The following CRACDL variants were observed in gnomAD, a reference collection of about 807,000 sequenced individuals.
The protein encoded by CRACDL is CRACD-like protein.
CRACDL carries 26 observed loss-of-function variants against 70.6 expected under a neutral mutation model. The observed-to-expected ratio is 0.37, with a 90% CI of 0.27 to 0.51. CRACDL has a LOEUF of 0.51. Among genes scored for constraint, CRACDL ranks in the 20% least tolerant of loss-of-function variants. The probability of loss-of-function intolerance (pLI) is 0.94; values close to 1 mark genes in which losing one functional copy is unlikely to be tolerated. For missense variants in CRACDL, 1,283 were observed against 1,376.9 expected, an observed-to-expected ratio of 0.93 and a Z score of 1.08; for synonymous variants, 618 against 615.2, an observed-to-expected ratio of 1.00 and a Z score of -0.07.
chr2:98,843,333 C>G (rs570691580), intron 2 of CRACDL, among the ~76,000 whole-genome samples: 2 of 152,120 alleles, frequency 1.3e-5, no homozygotes, highest in South Asian at 2.1e-4. Flanking sequence ...ATATTTTCTT[C>G]TAGTCTGTGA....
intron 3 of CRACDL, 118 bp from the exon 4 acceptor site, chr2:98,833,115 T>C (rs1705616825): frequency 3.3e-6 from 3 of 915,732 alleles, no homozygotes; most frequent in South Asian, 3.6e-5. Context: ...CTCCCTCTGC[T>C]GCATTTACAT....
chr2:98,844,005 C>G (rs562428124), intron 2 of CRACDL, among the ~76,000 whole-genome samples: 1 of 152,092 alleles, frequency 6.6e-6, no homozygotes, highest in Non-Finnish European at 1.5e-5. Flanking sequence ...CCTCTATGGA[C>G]TTGGCTTTTT....
chr2:98,904,880 G>A lies in CRACDL; in HGVS notation c.-11+31058C>T, dbSNP rs144358601. On this transcript the variant is annotated intron_variant, in intron 1 of 9. Coordinates refer to ENST00000397899, the MANE Select transcript of CRACDL (RefSeq NM_207362.3). ...GGGCCTGGTGGGAAGCACTCCGGTCGCGGGGGCGGATCCCTCCTGAATGCT... is the reference window on the plus strand; with the variant it reads ...GGGCCTGGTGGGAAGCACTCCGGTCACGGGGGCGGATCCCTCCTGAATGCT... Among the ~76,000 whole-genome samples, 405 of 152,286 alleles carry A rather than the reference G, an allele frequency of 2.7e-3. 1 individual carries two copies. Among genetic ancestry groups the A allele is most frequent in the African/African-American group, 8.9e-3 (370 of 41,566 alleles).
intron 1 of CRACDL, among the ~76,000 whole-genome samples, chr2:98,903,772 T>A (rs890525570): frequency 6.6e-6 from 1 of 152,272 alleles, no homozygotes; most frequent in Non-Finnish European, 1.5e-5. Flanking sequence ...TAGTCATTTT[T>A]AAGTCAGATA....
intron 1 of CRACDL, among the ~76,000 whole-genome samples, chr2:98,918,054 C>T (rs1276676123): frequency 1.3e-5 from 2 of 152,156 alleles, no homozygotes; most frequent in Non-Finnish European, 2.9e-5. Context: ...CATATCTTTG[C>T]TATTGTGAAC....
chr2:98,840,541 C>A (rs1192048589), intron 2 of CRACDL: 1 of 152,060 alleles, frequency 6.6e-6, no homozygotes, highest in Non-Finnish European at 1.5e-5. Flanking sequence ...TATTTTATAT[C>A]TTTACCGATT....
chr2:98,817,208 G>C (rs1219410321), intron 7 of CRACDL, among the ~76,000 whole-genome samples: 1 of 152,002 alleles, frequency 6.6e-6, no homozygotes, highest in African/African-American at 2.4e-5. Flanking sequence ...CGGGGGAGAG[G>C]GAAATTGGGG....
At chr2:98,896,126 T>C (rs1204719664) in intron 1 of CRACDL, among the ~76,000 whole-genome samples, 1 of 151,926 alleles carries the variant, frequency 6.6e-6, no homozygotes, top group Non-Finnish European at 1.5e-5. Context: ...GCTGGTGGCA[T>C]GGGACAGGAG....
rs554941257 is a variant in CRACDL at position 98,933,053 on chromosome 2, G to A, written c.-11+2885C>T. ...AACAGTAGAAATGGAGGCCTAGTAC[G>A]GTTCCGCACAACCTGGGCGGGCTCC... On this transcript the variant is annotated intron_variant, in intron 1 of 9. Transcript: ENST00000397899. 7.7e-4 allele frequency among the ~76,000 whole-genome samples: 118 copies of A among 152,334 alleles called. 1 individual carries two copies. Among genetic ancestry groups the A allele is most frequent in the South Asian group, 1.5e-3 (7 of 4,824 alleles).
At chr2:98,862,540 T>C (rs896901261) in intron 1 of CRACDL, among the ~76,000 whole-genome samples, 1 of 151,856 alleles carries the variant, frequency 6.6e-6, no homozygotes, top group Non-Finnish European at 1.5e-5. Context: ...GTGGAGAAAA[T>C]CAAGAAAATG....
At chr2:98,795,077 A>ATTTATATTTTTTTTTT (rs1703757410) in intron 9 of CRACDL, among the ~76,000 whole-genome samples, 1 of 58,510 alleles carries the variant, frequency 1.7e-5, no homozygotes, top group Non-Finnish European at 3.1e-5. Context: ...ATATATATAT[A>ATTTATATTTTTTTTTT]TTTTTTTTTT....
chr2:98,898,810 C>T (rs1188963142), intron 1 of CRACDL, among the ~76,000 whole-genome samples: 1 of 152,224 alleles, frequency 6.6e-6, no homozygotes, highest in African/African-American at 2.4e-5. Context: ...AAAGGCTGAC[C>T]TGTTCTCATG....
chr2:98,933,206 A>T (rs1332662428), intron 1 of CRACDL, among the ~76,000 whole-genome samples: 1 of 152,158 alleles, frequency 6.6e-6, no homozygotes, highest in Non-Finnish European at 1.5e-5. Flanking sequence ...TGTGAGCCGG[A>T]GGCTCCATGT....
intron 1 of CRACDL, among the ~76,000 whole-genome samples, chr2:98,862,198 T>C (rs1706966481): frequency 6.6e-6 from 1 of 152,152 alleles, no homozygotes; most frequent in Admixed American, 6.5e-5. Context: ...TCAGGAAAGA[T>C]CTGGGAAGGC....
At chr2:98,839,458 AC>A (rs1176186226) in intron 2 of CRACDL, among the ~76,000 whole-genome samples, 1 of 152,228 alleles carries the variant, frequency 6.6e-6, no homozygotes, top group Non-Finnish European at 1.5e-5. Context: ...TGGTCAGGAC[AC>A]CCTGTGGCTT....
At chr2:98,826,065 G>A (rs1705288185) in intron 6 of CRACDL, among the ~76,000 whole-genome samples, 1 of 152,158 alleles carries the variant, frequency 6.6e-6, no homozygotes, top group Non-Finnish European at 1.5e-5. Context: ...CCCCACTCCA[G>A]GGGGGACGCG....
intron 3 of CRACDL, among the ~76,000 whole-genome samples, chr2:98,835,655 C>A (rs946592121): frequency 1.3e-5 from 2 of 151,958 alleles, no homozygotes; most frequent in African/African-American, 4.8e-5. Context: ...TCAGGAGTTG[C>A]TAGGGGGCCA....
In CRACDL at chr2:98,822,464, G is replaced by C. The variant is rs1482687422; in HGVS notation, c.1809C>G (p.Ser603Arg). 8 of 1,476,204 alleles carry C rather than the reference G, an allele frequency of 5.4e-6. No homozygotes were observed. Among genetic ancestry groups the C allele is most frequent in the Non-Finnish European group, 7.1e-6 (8 of 1,121,570 alleles). The allele number at this position is 1,476,204 out of a possible 1,614,324, so 91.4% of individuals were successfully genotyped here. A position where few individuals can be genotyped will look rare whatever the true frequency, so the allele number is the denominator to read the frequency against. Residue 603 changes from serine to arginine, a missense_variant, in exon 7 of 10, where the codon AGC becomes AGG. Transcript: ENST00000397899. The surrounding 1 kb of genome is among the most constrained non-coding windows in gnomAD (Gnocchi z 4.9). ...CCGCCTCGCTCCTCCAGACCGGGCC[G>C]CTCCTCGCGAGGGGCAGGCGGCCGC... ...RASGRLPLAR[S>R]GPVWRSEAAL...
At chr2:98,889,354 C>T (rs966764673) in intron 1 of CRACDL, among the ~76,000 whole-genome samples, 3 of 143,314 alleles carry the variant, frequency 2.1e-5, no homozygotes, top group East Asian at 4.4e-4. Flanking sequence ...GAAACAGTAA[C>T]CAAAACAGAG....
Sources: gnomAD v4.1 joint callset for allele counts (sites outside exome capture counted in the v4.1 genomes callset) on GRCh38, gnomAD v4.1.1 for gene constraint, Gnocchi (gnomAD v3.1) non-coding constraint, MANE v1.5 for transcripts, NCBI Gene and HGNC (gene_info 2026-07-23, HGNC 2026-07-21) for gene names.